The following GNPDA1 variants were observed in gnomAD, a reference collection of about 807,000 sequenced individuals.
GNPDA1 encodes the protein GNPDA 1.
GNPDA1 carries 24 observed loss-of-function variants against 28.5 expected under a neutral mutation model. The ratio of observed to expected loss-of-function variants is 0.84; its 90% CI spans 0.61 to 1.19. GNPDA1 has a LOEUF of 1.19. Among genes scored for constraint, GNPDA1 ranks in the 50% most tolerant of loss-of-function variants. GNPDA1 has a pLI of 0.00. For missense variants in GNPDA1, 264 were observed against 367.3 expected (o/e 0.72, Z 2.30); for synonymous variants, 147 against 139.3 (o/e 1.06, Z -0.39).
chr5:142,012,057 G>C lies in GNPDA1; in HGVS notation c.-6-16C>G. On this transcript the variant is annotated splice_polypyrimidine_tract_variant and intron_variant, in intron 1 of 6. Transcript: ENST00000311337. ...TCATCTTGTCCTGCAGTGGGGGAGA[G>C]GGGATGACAGAAAGGAATCAATGGT... 1.3e-6 allele frequency: 2 copies of C among 1,577,274 alleles called. No homozygotes were observed. Among genetic ancestry groups the C allele is most frequent in the Non-Finnish European group, 1.7e-6 (2 of 1,150,786 alleles).
At chr5:142,011,191 A>C (rs1282475233) in intron 2 of GNPDA1, among the ~76,000 whole-genome samples, 1 of 151,238 alleles carries the variant, frequency 6.6e-6, no homozygotes, top group Non-Finnish European at 1.5e-5. Context: ...TAACATATTT[A>C]CTACTGGCCA....
Position 142,004,950 on chromosome 5 carries a change from A to C in GNPDA1, c.576T>G (p.Thr192=). 6.2e-7 allele frequency: 1 copy of C among 1,606,644 alleles called. No individual in the cohort carries two copies. Among genetic ancestry groups the C allele is most frequent in the Non-Finnish European group, 8.5e-7 (1 of 1,173,890 alleles). Reference sequence around the variant, plus strand: ...CCCTTACCTCTCTAGCATCCATGACAGTGCCCACCCCCACCGTCAAGGCCA... The same window carrying C: ...CCCTTACCTCTCTAGCATCCATGACCGTGCCCACCCCCACCGTCAAGGCCA... ...PTMALTVGVG[T]VMDAREVMIL... Residue 192 remains threonine (T), a synonymous_variant, in exon 5 of 7, where the codon ACT becomes ACG. Transcript: ENST00000311337.
intron 5 of GNPDA1, among the ~76,000 whole-genome samples, chr5:142,004,545 G>A (rs1755752399): frequency 6.6e-6 from 1 of 152,206 alleles, no homozygotes; most frequent in African/African-American, 2.4e-5. Flanking sequence ...CATCCTTGGT[G>A]TCCCAACAGT....
chr5:142,010,361 GT>G (rs1419027935), intron 2 of GNPDA1, among the ~76,000 whole-genome samples: 1 of 152,058 alleles, frequency 6.6e-6, no homozygotes, highest in Non-Finnish European at 1.5e-5. Flanking sequence ...GTTTCACCAT[GT>G]TGGCCAGGCT....
Position 142,004,971 on chromosome 5 carries a change from G to C in GNPDA1, c.555C>G (p.Ala185=). 1.2e-6 allele frequency: 2 copies of C among 1,612,354 alleles called. No individual in the cohort carries two copies. The highest frequency in any genetic ancestry group is 1.7e-6 in the Non-Finnish European group (2 of 1,178,590). ...TGACAGTGCCCACCCCCACCGTCAA[G>C]GCCATGGTGGGCACCTTGGTGAGTT... ...DGELTKVPTM[A]LTVGVGTVMD... Residue 185 remains alanine (A), a synonymous_variant, in exon 5 of 7, where the codon GCC becomes GCG. Coordinates refer to ENST00000311337, the MANE Select transcript of GNPDA1 (RefSeq NM_005471.5).
intron 3 of GNPDA1, among the ~76,000 whole-genome samples, chr5:142,007,265 G>C (rs532412944): frequency 6.6e-6 from 1 of 152,114 alleles, no homozygotes; most frequent in Non-Finnish European, 1.5e-5. Context: ...TTAAAAAAAG[G>C]ATGTTTAAAA....
At chr5:142,008,174 G>A (rs549844646) in intron 2 of GNPDA1, among the ~76,000 whole-genome samples, 12 of 152,244 alleles carry the variant, frequency 7.9e-5, no homozygotes, top group African/African-American at 2.9e-4. Flanking sequence ...AAATCACTCT[G>A]ATTAGTACCT....
At chr5:142,012,119 C>T (rs1053116154) in intron 1 of GNPDA1, 78 bp from the exon 2 acceptor site, 57 of 1,410,762 alleles carry the variant, frequency 4.0e-5, no homozygotes, top group Admixed American at 9.3e-5. Context: ...GTGGGAGAAG[C>T]TTCTCTTACC....
At chr5:142,010,981 A>G (rs759642099) in intron 2 of GNPDA1, among the ~76,000 whole-genome samples, 22 of 151,822 alleles carry the variant, frequency 1.4e-4, no homozygotes, top group Non-Finnish European at 3.1e-4. Flanking sequence ...ACAGGGTCTC[A>G]CTGTCACCCA....
At chr5:142,009,009 A>T (rs1755874067) in intron 2 of GNPDA1, among the ~76,000 whole-genome samples, 2 of 152,150 alleles carry the variant, frequency 1.3e-5, no homozygotes, top group African/African-American at 4.8e-5. Flanking sequence ...GGATTTAGAG[A>T]TAAGTGTCAG....
intron 4 of GNPDA1, chr5:142,005,441 G>A (rs934093744): frequency 8.6e-5 from 18 of 208,180 alleles, no homozygotes; most frequent in Middle Eastern, 1.8e-3. Flanking sequence ...CAGATTGTCA[G>A]AAAAGTGGAC....
At position 142,004,935 on chromosome 5, in the gene GNPDA1, T is replaced by G. The variant is rs1451413614; in HGVS notation, c.591A>C (p.Arg197Ser). ...GGTGGGGCCCTTATGCCCTTACCTC[T>G]CTAGCATCCATGACAGTGCCCACCC... Reference protein sequence around the residue: ...TVGVGTVMDAREVMILITGAH... With the variant: ...TVGVGTVMDASEVMILITGAH... The change falls in exon 5 of 7, where the codon AGA (arginine) becomes AGC (serine). Residue 197 changes from arginine to serine, a missense_variant. Arg to Ser is a moderately radical substitution (Grantham distance 110). Coordinates refer to ENST00000311337, the MANE Select transcript of GNPDA1 (RefSeq NM_005471.5). 6.3e-7 allele frequency: 1 copy of G among 1,600,000 alleles called. No homozygotes were observed. Among genetic ancestry groups the G allele is most frequent in the African/African-American group, 1.3e-5 (1 of 74,692 alleles).
intron 2 of GNPDA1, among the ~76,000 whole-genome samples, chr5:142,010,502 CTT>C (rs1202729320): frequency 2.3e-5 from 1 of 43,438 alleles, no homozygotes; most frequent in Admixed American, 3.5e-4. Flanking sequence ...GAATGGTTTT[CTT>C]TTCTTTCTTT....
intron 2 of GNPDA1, 26 bp downstream of exon 2, chr5:142,011,886 G>A (rs781159502): frequency 1.2e-6 from 2 of 1,613,344 alleles, no homozygotes; most frequent in South Asian, 1.1e-5. Context: ...CCTTATCCAC[G>A]GCACCCTCTC....
intron 3 of GNPDA1, among the ~76,000 whole-genome samples, chr5:142,007,133 A>C (rs530159890): frequency 2.0e-5 from 3 of 152,316 alleles, no homozygotes; most frequent in South Asian, 4.1e-4. Context: ...TTACAAGATG[A>C]AAAGAGTTCT....
At chr5:142,004,213 T>C (rs1325307021) in intron 5 of GNPDA1, among the ~76,000 whole-genome samples, 1 of 152,150 alleles carries the variant, frequency 6.6e-6, no homozygotes, top group African/African-American at 2.4e-5. Context: ...ACGTACTGAT[T>C]GAAGATTACC....
At chr5:142,010,382 T>C (rs1755914411) in intron 2 of GNPDA1, among the ~76,000 whole-genome samples, 1 of 151,942 alleles carries the variant, frequency 6.6e-6, no homozygotes, top group South Asian at 2.1e-4. Context: ...TGGTCTCAAA[T>C]TCCTGACTTC....
chr5:142,010,192 G>A (rs1273382782), intron 2 of GNPDA1, among the ~76,000 whole-genome samples: 1 of 152,086 alleles, frequency 6.6e-6, no homozygotes, highest in African/African-American at 2.4e-5. Flanking sequence ...ACAGAGTATC[G>A]CTGTCACCCA....
chr5:142,009,295 C>A (rs984011519), intron 2 of GNPDA1, among the ~76,000 whole-genome samples: 8 of 152,066 alleles, frequency 5.3e-5, no homozygotes, highest in Non-Finnish European at 1.0e-4. Context: ...CTCAGCAACA[C>A]CAGTTATTCT....
Sources: allele counts gnomAD v4.1 joint callset (sites outside exome capture counted in the v4.1 genomes callset), GRCh38; gene constraint gnomAD v4.1.1; transcripts MANE v1.5; gene names NCBI Gene and HGNC (gene_info 2026-07-23, HGNC 2026-07-21).